NELL1: variants seen among roughly 807,000 people sequenced by gnomAD.
NELL1 encodes the protein neural EGFL like 1.
In NELL1, 76 loss-of-function variants were observed where a neutral mutation model predicts 107.4. The ratio of observed to expected loss-of-function variants is 0.71; its 90% CI spans 0.59 to 0.86. The LOEUF is 0.86. NELL1 is among the 40% of genes least tolerant of loss of function. The probability of loss-of-function intolerance (pLI) is 0.00; values close to 1 mark genes in which losing one functional copy is unlikely to be tolerated. For missense variants in NELL1, 1,024 were observed against 1,005.5 expected (o/e 1.02, Z -0.25); for synonymous variants, 353 against 341.2 (o/e 1.03, Z -0.38).
chr11:20,806,804 C>T (rs1590312729), intron 3 of NELL1, among the ~76,000 whole-genome samples: 1 of 152,040 alleles, frequency 6.6e-6, no homozygotes, highest in South Asian at 2.1e-4. Flanking sequence ...CTAATTGTTT[C>T]TTCTCCTTGA....
chr11:21,490,834 A>T (rs1854786702), intron 15 of NELL1, among the ~76,000 whole-genome samples: 1 of 152,158 alleles, frequency 6.6e-6, no homozygotes, highest in Admixed American at 6.6e-5. Context: ...TAAGACCTGA[A>T]ACTATAAAAC....
At chr11:20,708,013 T>C (rs1350328387) in intron 2 of NELL1, among the ~76,000 whole-genome samples, 2 of 152,214 alleles carry the variant, frequency 1.3e-5, no homozygotes, top group Admixed American at 1.3e-4. Flanking sequence ...GCTTCCCGGC[T>C]GCTTTGTTTA....
intron 2 of NELL1, among the ~76,000 whole-genome samples, chr11:20,765,140 A>G (rs1429789408): frequency 6.6e-6 from 1 of 150,470 alleles, no homozygotes; most frequent in Non-Finnish European, 1.5e-5. Flanking sequence ...CCTGGGTGAC[A>G]GAGCAAGACC....
intron 15 of NELL1, among the ~76,000 whole-genome samples, chr11:21,423,053 T>C (rs10833532): frequency 0.44 from 66,173 of 151,972 alleles, 16,761 homozygotes; most frequent in Non-Finnish European, 0.57. Context: ...ATATAAAAAA[T>C]AGACTCTAAG....
chr11:21,559,220 T>C (rs1050891784), intron 16 of NELL1, among the ~76,000 whole-genome samples: 2 of 152,130 alleles, frequency 1.3e-5, no homozygotes, highest in Non-Finnish European at 2.9e-5. Flanking sequence ...AGTAGACTAG[T>C]AGACACTTAT....
At chr11:21,286,066 A>T (rs1849108646) in intron 14 of NELL1, among the ~76,000 whole-genome samples, 1 of 152,186 alleles carries the variant, frequency 6.6e-6, no homozygotes, top group Admixed American at 6.5e-5. Context: ...TTACCTTTGG[A>T]TCTCTGCCTG....
chr11:21,229,353 G>C lies in NELL1; in HGVS notation c.1448G>C (p.Gly483Ala). ...SCTEHDECGS[G>A]QHNCDENAIC... Reference sequence around the variant, plus strand: ...ACAGAACACGATGAATGTGGCAGCGGCCAGCACAACTGTGATGAGAATGCC... The same window carrying C: ...ACAGAACACGATGAATGTGGCAGCGCCCAGCACAACTGTGATGAGAATGCC... The change falls in exon 14 of 20, where the codon GGC becomes GCC. Residue 483 changes from glycine (G) to alanine (A), a missense_variant. Gly to Ala is a moderately conservative substitution (Grantham distance 60). Coordinates refer to ENST00000357134, the MANE Select transcript of NELL1 (RefSeq NM_006157.5). 1 of 1,613,934 alleles carries C rather than the reference G, an allele frequency of 6.2e-7. No homozygotes were observed. Among genetic ancestry groups the C allele is most frequent in the Non-Finnish European group, 8.5e-7 (1 of 1,179,898 alleles).
intron 9 of NELL1, among the ~76,000 whole-genome samples, chr11:20,931,686 G>C (rs538334990): frequency 2.8e-4 from 42 of 152,176 alleles, no homozygotes; most frequent in South Asian, 1.2e-3. Flanking sequence ...GTTTGGATTG[G>C]ATCATTTAAT....
chr11:21,546,747 A>T (rs1856453196), intron 16 of NELL1, among the ~76,000 whole-genome samples: 3 of 152,004 alleles, frequency 2.0e-5, no homozygotes, highest in Admixed American at 6.6e-5. Context: ...TTTCTTTATT[A>T]GTGGCATGAA....
chr11:21,371,076 A>T lies in NELL1; in HGVS notation c.1645+128A>T, dbSNP rs540686466. The T allele has an allele frequency of 1.2e-5, 8 of 690,988 alleles. No homozygotes were observed. The Admixed American group carries it at 2.5e-4, about 22-fold the overall frequency. The allele number at this position is 690,988 out of a possible 1,614,324, so 42.8% of individuals were successfully genotyped here. ...TTGATACATTGTGTTGTGACGGTGG[A>T]TGGAGCTCTCCCAAAGTGGGTACCT... is the stretch of plus-strand genomic sequence containing the variant. On this transcript the variant is annotated intron_variant, in intron 15 of 19. Transcript: ENST00000357134.
rs1050418192 is a variant in NELL1, at chr11:21,192,168, C to G, written c.1427-37164C>G. Among the ~76,000 whole-genome samples, 14 of 151,660 alleles carry G rather than the reference C, an allele frequency of 9.2e-5. 1 individual carries two copies. The highest frequency in any genetic ancestry group is 3.4e-4 in the African/African-American group (14 of 41,070). On this transcript the variant is annotated intron_variant, in intron 13 of 19. Transcript: ENST00000357134. ...ATGTGTGTTATCTTTTAATTGCAGC[C>G]TTTGCTTATAATGTCTGAATGTAAG...
At chr11:21,476,270 G>T (rs1425182955) in intron 15 of NELL1, among the ~76,000 whole-genome samples, 1 of 152,008 alleles carries the variant, frequency 6.6e-6, no homozygotes, top group African/African-American at 2.4e-5. Flanking sequence ...TCTTAACAAG[G>T]ATTATTAAGA....
At chr11:20,865,361 A>T (rs1329878289) in intron 4 of NELL1, among the ~76,000 whole-genome samples, 1 of 152,200 alleles carries the variant, frequency 6.6e-6, no homozygotes, top group Non-Finnish European at 1.5e-5. Flanking sequence ...CCTCCTTCAA[A>T]AGAGGGTGTG....
intron 12 of NELL1, among the ~76,000 whole-genome samples, chr11:21,039,860 A>G (rs77382604): frequency 0.048 from 7,278 of 152,082 alleles, 305 homozygotes; most frequent in East Asian, 0.25. Context: ...CTATTAACCC[A>G]CACCTTTCTT....
chr11:20,930,070 G>A (rs1477699903), intron 9 of NELL1, among the ~76,000 whole-genome samples: 1 of 152,040 alleles, frequency 6.6e-6, no homozygotes, highest in Non-Finnish European at 1.5e-5. Flanking sequence ...ATCTCTGAAT[G>A]CCATCTCTTG....
At chr11:21,291,707 A>T (rs973916454) in intron 14 of NELL1, among the ~76,000 whole-genome samples, 1 of 152,146 alleles carries the variant, frequency 6.6e-6, no homozygotes, top group African/African-American at 2.4e-5. Context: ...ATCCAGCAGC[A>T]CATCAAAAAG....
Position 20,988,607 on chromosome 11 carries a change from C to CT in NELL1, c.1300+28058dup, listed in dbSNP as rs906224990. On this transcript the variant is annotated intron_variant, in intron 12 of 19. Transcript: ENST00000357134. The stretch of plus-strand genomic sequence containing the variant: ...ACACTTTAGAGAGGTTTGTTCTTTT[C>CT]TTTTTTTTTTTGAGACGCTGTCACC... 2.4e-3 allele frequency among the ~76,000 whole-genome samples: 340 copies of CT among 143,810 alleles called. 1 individual carries two copies. Among genetic ancestry groups the CT allele is most frequent in the Admixed American group, 5.6e-3 (81 of 14,382 alleles). 94.3% of individuals were successfully genotyped at this position (143,810 alleles called of 152,430 possible).
At chr11:21,110,794 G>A (rs187415948) in intron 12 of NELL1, among the ~76,000 whole-genome samples, 13 of 152,222 alleles carry the variant, frequency 8.5e-5, no homozygotes, top group Middle Eastern at 3.4e-3. Context: ...AGCCTTCAGC[G>A]TACTCTGCTC....
At chr11:20,840,392 AT>A (rs1467605536) in intron 3 of NELL1, among the ~76,000 whole-genome samples, 2 of 152,226 alleles carry the variant, frequency 1.3e-5, no homozygotes, top group East Asian at 3.9e-4. Context: ...TGGATCAGGA[AT>A]TTGGACAGAG....
Sources: allele counts gnomAD v4.1 joint callset (sites outside exome capture counted in the v4.1 genomes callset), GRCh38; gene constraint gnomAD v4.1.1; transcripts MANE v1.5; gene names NCBI Gene and HGNC (gene_info 2026-07-23, HGNC 2026-07-21).